Variants in SLC23A2 observed in about 807,000 individuals in gnomAD.
SLC23A2 encodes Na(+)/L-ascorbic acid transporter 2.
SLC23A2 carries 36 observed loss-of-function variants against 73.3 expected under a neutral mutation model. The ratio of observed to expected loss-of-function variants is 0.49; its 90% CI spans 0.38 to 0.65. SLC23A2 has a LOEUF of 0.65. Among genes scored for constraint, SLC23A2 ranks in the 30% least tolerant of loss-of-function variants. SLC23A2 has a pLI of 0.00. For synonymous variants in SLC23A2, 343 were observed against 327.3 expected, an observed-to-expected ratio of 1.05 and a Z score of -0.52; for missense variants, 507 against 841.6, an observed-to-expected ratio of 0.60 and a Z score of 4.92.
intron 6 of SLC23A2, among the ~76,000 whole-genome samples, chr20:4,889,994 C>T (rs1268988383): frequency 2.6e-5 from 4 of 152,074 alleles, no homozygotes; most frequent in Non-Finnish European, 4.4e-5. Context: ...CTCCAGATGC[C>T]GGGCGGCTTG....
intron 2 of SLC23A2, among the ~76,000 whole-genome samples, chr20:4,965,827 C>T (rs1281809297): frequency 5.3e-5 from 8 of 152,000 alleles, no homozygotes; most frequent in South Asian, 2.1e-4. Flanking sequence ...ATTAGCTGAG[C>T]GTGGTGGCAT....
intron 2 of SLC23A2, among the ~76,000 whole-genome samples, chr20:4,949,287 CAA>C (rs570455717): frequency 3.3e-4 from 19 of 57,892 alleles, no homozygotes; most frequent in Middle Eastern, 8.5e-3. Flanking sequence ...GACTCCATCT[CAA>C]AAAAAAAAAA....
chr20:4,967,514 T>C (rs950150278), intron 2 of SLC23A2, among the ~76,000 whole-genome samples: 6 of 152,244 alleles, frequency 3.9e-5, no homozygotes, highest in East Asian at 1.9e-4. Context: ...AGTGTTTACA[T>C]AGGTTTGTGA....
intron 2 of SLC23A2, among the ~76,000 whole-genome samples, chr20:4,939,002 G>A (rs2087002268): frequency 1.3e-5 from 2 of 152,112 alleles, no homozygotes; most frequent in African/African-American, 4.8e-5. Flanking sequence ...AACACTTTGG[G>A]AGACCCAGGC....
At chr20:4,940,167 A>G (rs139446659) in intron 2 of SLC23A2, among the ~76,000 whole-genome samples, 2,778 of 152,066 alleles carry the variant, frequency 0.018, 78 homozygotes, top group African/African-American at 0.061. Flanking sequence ...AAAATACAAA[A>G]AATTAGCTGG....
intron 3 of SLC23A2, among the ~76,000 whole-genome samples, chr20:4,913,696 G>A (rs1047980118): frequency 6.6e-6 from 1 of 151,920 alleles, no homozygotes; most frequent in Admixed American, 6.6e-5. Context: ...GCGTGATCTC[G>A]GCTCACTGCA....
At chr20:4,889,645 C>A (rs1299309569) in intron 6 of SLC23A2, among the ~76,000 whole-genome samples, 1 of 151,638 alleles carries the variant, frequency 6.6e-6, no homozygotes, top group African/African-American at 2.4e-5. Flanking sequence ...CCTCTATCTG[C>A]TCCCTTCCTC....
Position 4,870,012 on chromosome 20 carries a change from C to T in SLC23A2, c.1144G>A (p.Gly382Ser), listed in dbSNP as rs759011033. ...LPTVSAAGVI[G>S]MLSAVVASII... ...CTGGCGACCACGGCACTGAGCATGC[C>T]GATGACACCGGCCGCAGACACGGTG... The change falls in exon 12 of 17, where the codon GGC becomes AGC. Residue 382 changes from glycine to serine, a missense_variant. Physicochemically the swap from Gly to Ser is moderately conservative, Grantham distance 56. Transcript: ENST00000338244. The T allele has an allele frequency of 1.9e-6, 3 of 1,612,804 alleles. No individual in the cohort carries two copies. The highest frequency in any genetic ancestry group is 1.7e-6 in the Non-Finnish European group (2 of 1,179,398).
At chr20:4,938,875 C>A (rs1181364262) in intron 2 of SLC23A2, among the ~76,000 whole-genome samples, 1 of 152,124 alleles carries the variant, frequency 6.6e-6, no homozygotes, top group Non-Finnish European at 1.5e-5. Context: ...AAGCCCCCTT[C>A]ATCTCACCCC....
At chr20:4,889,656 G>A (rs976009235) in intron 6 of SLC23A2, among the ~76,000 whole-genome samples, 12 of 151,106 alleles carry the variant, frequency 7.9e-5, no homozygotes, top group Non-Finnish European at 1.3e-4. Context: ...TCCCTTCCTC[G>A]GGCTGCTGCT....
chr20:4,972,062 T>C (rs904105996), intron 1 of SLC23A2, among the ~76,000 whole-genome samples: 1 of 152,222 alleles, frequency 6.6e-6, no homozygotes, highest in Non-Finnish European at 1.5e-5. Context: ...CTTGTACCTA[T>C]GCATATGTTC....
At chr20:4,938,235 T>A (rs367865041) in intron 2 of SLC23A2, among the ~76,000 whole-genome samples, 3 of 151,990 alleles carry the variant, frequency 2.0e-5, no homozygotes, top group South Asian at 4.2e-4. Context: ...CCCAGGGTGG[T>A]CTTGAGCTCC....
intron 2 of SLC23A2, among the ~76,000 whole-genome samples, chr20:4,955,181 G>A (rs371230595): frequency 2.0e-5 from 3 of 152,164 alleles, no homozygotes; most frequent in African/African-American, 7.2e-5. Context: ...TTGACTCCAT[G>A]AGTTTGAGGC....
chr20:4,920,313 G>A (rs908318196), intron 3 of SLC23A2, among the ~76,000 whole-genome samples: 4 of 152,192 alleles, frequency 2.6e-5, no homozygotes, highest in Non-Finnish European at 4.4e-5. Context: ...AGCCCAGTCT[G>A]ACCACATATT....
At chr20:4,894,034 G>A (rs977676606) in intron 6 of SLC23A2, among the ~76,000 whole-genome samples, 3 of 152,156 alleles carry the variant, frequency 2.0e-5, no homozygotes, top group African/African-American at 7.2e-5. Context: ...AGGCTGGCTA[G>A]GGGACTCTCA....
At chr20:4,906,933 G>A (rs1039021460) in intron 4 of SLC23A2, among the ~76,000 whole-genome samples, 1 of 152,204 alleles carries the variant, frequency 6.6e-6, no homozygotes, top group Non-Finnish European at 1.5e-5. Flanking sequence ...GCTGTGAAGA[G>A]GTGGGCTGGC....
chr20:4,938,554 C>T (rs1041782736), intron 2 of SLC23A2, among the ~76,000 whole-genome samples: 1 of 151,990 alleles, frequency 6.6e-6, no homozygotes, highest in African/African-American at 2.4e-5. Context: ...CTCGAACTCC[C>T]GACCTCAGGT....
Position 4,862,210 on chromosome 20 carries a change from G to T in SLC23A2, c.1487-125C>A. 3 of 928,200 alleles carry T rather than the reference G, an allele frequency of 3.2e-6. No individual in the cohort carries two copies. The highest frequency in any genetic ancestry group is 3.3e-5 in the South Asian group (2 of 60,354). 57.5% of individuals were successfully genotyped at this position (928,200 alleles called of 1,614,324 possible). A position where few individuals can be genotyped will look rare whatever the true frequency, so the allele number is the denominator to read the frequency against. On this transcript the variant is annotated intron_variant, in intron 14 of 16. Coordinates refer to ENST00000338244, the MANE Select transcript of SLC23A2 (RefSeq NM_005116.6). This position sits in a 1 kb window ranked among gnomAD's most constrained non-coding sequence, Gnocchi z 5.1. Reference sequence around the variant, plus strand: ...ACAGAAACCAATGAGACCAGTGCAGGGACAGGAAGGGGGACGTGTGGGGTC... The same window carrying T: ...ACAGAAACCAATGAGACCAGTGCAGTGACAGGAAGGGGGACGTGTGGGGTC...
chr20:4,965,694 C>T (rs1007167921), intron 2 of SLC23A2, among the ~76,000 whole-genome samples: 4 of 152,176 alleles, frequency 2.6e-5, no homozygotes, highest in East Asian at 3.9e-4. Flanking sequence ...CAGCCGGGCG[C>T]GGTGGCTCAA....
Sources: allele counts gnomAD v4.1 joint callset (sites outside exome capture counted in the v4.1 genomes callset), GRCh38; gene constraint gnomAD v4.1.1; non-coding constraint Gnocchi (gnomAD v3.1); transcripts MANE v1.5; gene names NCBI Gene and HGNC (gene_info 2026-07-23, HGNC 2026-07-21).